The following ROBO2 variants were observed in gnomAD, a reference collection of about 807,000 sequenced individuals.
The protein encoded by ROBO2 is roundabout homolog 2.
A neutral mutation model predicts 160.8 loss-of-function variants in ROBO2; 53 were observed. The ratio of observed to expected loss-of-function variants is 0.33; its 90% CI spans 0.26 to 0.41. The LOEUF is 0.41. ROBO2 is among the 10% of genes least tolerant of loss of function. ROBO2 has a pLI of 1.00. For synonymous variants in ROBO2, 664 were observed against 611.7 expected, an observed-to-expected ratio of 1.09 and a Z score of -1.26; for missense variants, 1,577 against 1,722.4, an observed-to-expected ratio of 0.92 and a Z score of 1.49.
intron 2 of ROBO2, among the ~76,000 whole-genome samples, chr3:76,297,658 G>GAA: frequency 7.9e-5 from 1 of 12,622 alleles, no homozygotes. Flanking sequence ...TGTATTTCAA[G>GAA]AAAAAAAAAA....
At position 76,951,854 on chromosome 3, in the gene ROBO2, C is replaced by T. The variant is rs556268918; in HGVS notation, c.110-146160C>T. On this transcript the variant is annotated intron_variant, in intron 2 of 26. Transcript: ENST00000487694. ...AACTGCTATATCTTCAGAGCTTTTT[C>T]TTGTTTCTAAAGCCCCAACCGTAGG... Among the ~76,000 whole-genome samples, 28 of 152,320 alleles carry T rather than the reference C, an allele frequency of 1.8e-4. 1 individual carries two copies. In the South Asian group the frequency reaches 5.8e-3, roughly 32 times the overall value.
chr3:76,914,972 C>A (rs1277339511), intron 2 of ROBO2, among the ~76,000 whole-genome samples: 1 of 152,138 alleles, frequency 6.6e-6, no homozygotes, highest in Admixed American at 6.5e-5. Context: ...AAGAATGAAA[C>A]CTAATTCACC....
At chr3:77,078,937 T>C (rs2068316042) in intron 1 of ROBO2, among the ~76,000 whole-genome samples, 1 of 152,132 alleles carries the variant, frequency 6.6e-6, no homozygotes, top group Admixed American at 6.6e-5. Context: ...TATTTAATTA[T>C]TTTATTGATT....
chr3:76,976,706 TAGTCTGAA>T (rs2059832855), intron 2 of ROBO2, among the ~76,000 whole-genome samples: 1 of 152,204 alleles, frequency 6.6e-6, no homozygotes. Context: ...AATGAATGAT[TAGTCTGAA>T]AACATAGTTA....
chr3:76,692,681 C>T (rs2092827866), intron 2 of ROBO2, among the ~76,000 whole-genome samples: 1 of 151,948 alleles, frequency 6.6e-6, no homozygotes, highest in African/African-American at 2.4e-5. Context: ...TTTGGGAAGC[C>T]ACGTTTTCCA....
intron 5 of ROBO2, among the ~76,000 whole-genome samples, chr3:77,521,317 G>C (rs1482057326): frequency 6.6e-6 from 1 of 151,222 alleles, no homozygotes. Flanking sequence ...TTTGCTACTG[G>C]ATGTTAAAAA....
At chr3:76,946,696 C>T (rs1341310239) in intron 2 of ROBO2, among the ~76,000 whole-genome samples, 2 of 152,158 alleles carry the variant, frequency 1.3e-5, no homozygotes, top group African/African-American at 4.8e-5. Flanking sequence ...CCTCAGCCTC[C>T]GAAGATGTTG....
chr3:76,944,610 A>G (rs2078399836), intron 2 of ROBO2, among the ~76,000 whole-genome samples: 1 of 152,212 alleles, frequency 6.6e-6, no homozygotes, highest in African/African-American at 2.4e-5. Context: ...TGCTTTCAAA[A>G]CTAGCAAATA....
chr3:76,197,150 C>T (rs1011020778), intron 2 of ROBO2, among the ~76,000 whole-genome samples: 2 of 149,886 alleles, frequency 1.3e-5, no homozygotes, highest in African/African-American at 5.0e-5. Context: ...CTGGGACTGC[C>T]TTTCTCCTTT....
chr3:76,048,388 G>A (rs765942048), intron 2 of ROBO2, among the ~76,000 whole-genome samples: 1 of 152,090 alleles, frequency 6.6e-6, no homozygotes, highest in Non-Finnish European at 1.5e-5. Context: ...TGCAGTGACA[G>A]GAAGACACAC....
intron 2 of ROBO2, among the ~76,000 whole-genome samples, chr3:77,164,765 G>C (rs181226689): frequency 0.028 from 236 of 8,458 alleles, 49 homozygotes; most frequent in Middle Eastern, 0.5. Context: ...GAAGTGGGGG[G>C]GTCAGACCCC....
At chr3:77,579,824 A>G in intron 15 of ROBO2, 123 bp from the exon 17 acceptor site, 1 of 906,254 alleles carries the variant, frequency 1.1e-6, no homozygotes, top group Non-Finnish European at 1.7e-6. Context: ...GTCATTTGCA[A>G]AACTTCTATA....
intron 9 of ROBO2, among the ~76,000 whole-genome samples, chr3:77,562,057 C>T (rs574454141): frequency 4.5e-4 from 68 of 151,852 alleles, no homozygotes; most frequent in African/African-American, 1.4e-3. Flanking sequence ...GAGCTGAGAT[C>T]GAGCCATTGC....
chr3:77,629,570 T>C (rs1009035948), intron 23 of ROBO2: 7 of 152,174 alleles, frequency 4.6e-5, no homozygotes, highest in Non-Finnish European at 8.8e-5. Context: ...TTAATGTAAA[T>C]TTTTTATCTT....
intron 2 of ROBO2, among the ~76,000 whole-genome samples, chr3:77,280,230 T>G (rs557444388): frequency 1.3e-5 from 2 of 152,298 alleles, no homozygotes; most frequent in South Asian, 4.1e-4. Flanking sequence ...CAAACCGCTT[T>G]TCTGCCGTTA....
At chr3:76,493,337 T>TTATATATATATATATA (rs57835432) in intron 2 of ROBO2, among the ~76,000 whole-genome samples, 3,207 of 104,374 alleles carry the variant, frequency 0.031, 97 homozygotes, top group East Asian at 0.045. Context: ...AGACAAAAAA[T>TTATATATATATATATA]TATATATATA....
intron 2 of ROBO2, among the ~76,000 whole-genome samples, chr3:77,258,790 A>G (rs1318818260): frequency 6.6e-6 from 1 of 152,132 alleles, no homozygotes. Flanking sequence ...TCTCTTCTCA[A>G]CTTCCAAATA....
At chr3:76,400,964 G>A (rs1559886383) in intron 2 of ROBO2, among the ~76,000 whole-genome samples, 1 of 151,460 alleles carries the variant, frequency 6.6e-6, no homozygotes, top group Non-Finnish European at 1.5e-5. Flanking sequence ...TGGCATATTA[G>A]GTATACACAA....
At chr3:77,610,988 G>T (rs147642817) in intron 21 of ROBO2, among the ~76,000 whole-genome samples, 1 of 151,956 alleles carries the variant, frequency 6.6e-6, no homozygotes, top group African/African-American at 2.4e-5. Flanking sequence ...GATGTATGAG[G>T]CTTGTTGAGT....
Sources: gnomAD v4.1 joint callset for allele counts (sites outside exome capture counted in the v4.1 genomes callset) on GRCh38, gnomAD v4.1.1 for gene constraint, MANE v1.5 for transcripts, NCBI Gene and HGNC (gene_info 2026-07-23, HGNC 2026-07-21) for gene names.